The following KYAT1 variants were observed in gnomAD, a reference collection of about 807,000 sequenced individuals.
The protein encoded by KYAT1 is kynurenine--oxoglutarate transaminase 1.
KYAT1 carries 47 observed loss-of-function variants against 52.4 expected under a neutral mutation model. The ratio of observed to expected loss-of-function variants is 0.90; its 90% CI spans 0.71 to 1.14. The LOEUF (loss-of-function observed/expected upper bound fraction) is 1.14. Among genes scored for constraint, KYAT1 ranks in the 50% most tolerant of loss-of-function variants. KYAT1 has a pLI of 0.00. For synonymous variants in KYAT1, 212 were observed against 209.6 expected, an observed-to-expected ratio of 1.01 and a Z score of -0.10; for missense variants, 480 against 557.9, an observed-to-expected ratio of 0.86 and a Z score of 1.41.
intron 3 of KYAT1, chr9:128,842,192 CA>C: frequency 2.2e-5 from 5 of 231,706 alleles, no homozygotes; most frequent in East Asian, 1.3e-4. Flanking sequence ...GACCTTGTCT[CA>C]AAAAAGAAAA....
intron 11 of KYAT1, among the ~76,000 whole-genome samples, chr9:128,834,574 A>G (rs1400697736): frequency 1.3e-5 from 2 of 152,186 alleles, no homozygotes; most frequent in Non-Finnish European, 2.9e-5. Context: ...CTGTAATCCC[A>G]GCACTTTGGG....
At chr9:128,856,598 A>C (rs937590175) in intron 1 of KYAT1, among the ~76,000 whole-genome samples, 1 of 152,210 alleles carries the variant, frequency 6.6e-6, no homozygotes, top group African/African-American at 2.4e-5. Flanking sequence ...CTTTGCCCCA[A>C]CTTTGAGCTC....
intron 1 of KYAT1, among the ~76,000 whole-genome samples, chr9:128,846,075 C>T (rs747350688): frequency 1.3e-5 from 2 of 152,186 alleles, no homozygotes; most frequent in African/African-American, 4.8e-5. Flanking sequence ...GCTCCTGGCT[C>T]GCCCCTCCCC....
rs1288931517 is a variant in KYAT1 at position 128,839,006 on chromosome 9, C to A, written c.202-639G>T. 7.2e-5 allele frequency among the ~76,000 whole-genome samples: 11 copies of A among 151,764 alleles called. No homozygotes were observed. In the East Asian group the frequency reaches 2.1e-3, roughly 29 times the overall value. ...GAGACAGGGTCTCACTCATGTCACC[C>A]AGGCTGGAGTGCAGTGGCACAATCG... is the stretch of plus-strand genomic sequence containing the variant. On this transcript the variant is annotated intron_variant, in intron 3 of 12. Coordinates refer to ENST00000302586, the MANE Select transcript of KYAT1 (RefSeq NM_004059.5).
intron 1 of KYAT1, among the ~76,000 whole-genome samples, chr9:128,863,092 G>A (rs1021986931): frequency 1.1e-4 from 17 of 151,982 alleles, no homozygotes; most frequent in Admixed American, 1.1e-3. Context: ...CTCCCAAAGT[G>A]CTGAGATTAC....
At chr9:128,868,369 C>T (rs893127593) in intron 1 of KYAT1, among the ~76,000 whole-genome samples, 1 of 151,956 alleles carries the variant, frequency 6.6e-6, no homozygotes, top group Admixed American at 6.6e-5. Context: ...CATGCCCAGC[C>T]TGGCCCACTG....
At chr9:128,876,977 C>T (rs934580844) in intron 1 of KYAT1, among the ~76,000 whole-genome samples, 2 of 151,912 alleles carry the variant, frequency 1.3e-5, no homozygotes, top group Admixed American at 6.6e-5. Context: ...CGGCTCACTG[C>T]AACCTCTGCC....
At chr9:128,856,748 A>G (rs998044962) in intron 1 of KYAT1, among the ~76,000 whole-genome samples, 6 of 152,250 alleles carry the variant, frequency 3.9e-5, no homozygotes, top group African/African-American at 7.2e-5. Flanking sequence ...CAGGGGCACA[A>G]CGCACTGCGG....
rs1830807518 is a variant in KYAT1 at position 128,835,150 on chromosome 9, A to G, written c.1122+173T>C. The G allele has an allele frequency of 9.4e-6, 6 of 638,462 alleles. No homozygotes were observed. In the South Asian group the frequency reaches 1.1e-4, roughly 11 times the overall value. 39.5% of individuals were successfully genotyped at this position (638,462 alleles called of 1,614,324 possible). A position where few individuals can be genotyped will look rare whatever the true frequency, so the allele number is the denominator to read the frequency against. On this transcript the variant is annotated intron_variant, in intron 11 of 12. Transcript: ENST00000302586. ...ACTCCATCTCAACCAAAAAAAAAAA[A>G]GAAAGAAAAAAAGAAACAGCCTCCT...
chr9:128,871,828 T>C (rs1442740728), intron 1 of KYAT1, among the ~76,000 whole-genome samples: 1 of 152,092 alleles, frequency 6.6e-6, no homozygotes, highest in African/African-American at 2.4e-5. Flanking sequence ...AGTGTGGCAT[T>C]ATAAAAATGA....
At chr9:128,874,188 A>G (rs999809638) in intron 1 of KYAT1, among the ~76,000 whole-genome samples, 8 of 151,712 alleles carry the variant, frequency 5.3e-5, no homozygotes, top group African/African-American at 1.7e-4. Context: ...CCCAGGAGGC[A>G]GAGGTTGCAG....
chr9:128,838,260 G>A lies in KYAT1; in HGVS notation c.309C>T (p.Ala103=), dbSNP rs370339522. 47 of 1,614,166 alleles carry A rather than the reference G, an allele frequency of 2.9e-5. No individual in the cohort carries two copies. The East Asian group carries it at 4.9e-4, about 17-fold the overall frequency. ...NVLVTVGGYG[A]LFTAFQALVD... is the part of the protein sequence containing the mutation. The stretch of plus-strand genomic sequence containing the variant: ...CCAGGGCCTGGAAGGCTGTGAACAG[G>A]GCCCCATAGCCACCAACAGTCACCA... Residue 103 remains alanine, a synonymous_variant, in exon 4 of 13, where the codon GCC becomes GCT. Coordinates refer to ENST00000302586, the MANE Select transcript of KYAT1 (RefSeq NM_004059.5).
At chr9:128,874,560 C>T (rs1837692886) in intron 1 of KYAT1, among the ~76,000 whole-genome samples, 1 of 151,984 alleles carries the variant, frequency 6.6e-6, no homozygotes, top group African/African-American at 2.4e-5. Context: ...ATCATCCTGC[C>T]TTAGCCTCCC....
chr9:128,858,239 A>G (rs779756255), intron 1 of KYAT1, among the ~76,000 whole-genome samples: 19 of 147,082 alleles, frequency 1.3e-4, no homozygotes, highest in Non-Finnish European at 2.7e-4. Context: ...TCTACCAAAA[A>G]TACAAAAATT....
At chr9:128,863,735 G>A (rs1453395472) in intron 1 of KYAT1, among the ~76,000 whole-genome samples, 2 of 152,152 alleles carry the variant, frequency 1.3e-5, no homozygotes, top group Non-Finnish European at 2.9e-5. Context: ...TGTTATTCCC[G>A]AGTCGGCCAG....
chr9:128,879,813 C>T (rs1246383211), intron 1 of KYAT1, among the ~76,000 whole-genome samples: 2 of 152,220 alleles, frequency 1.3e-5, no homozygotes, highest in African/African-American at 4.8e-5. Flanking sequence ...CTTCCGCCCT[C>T]AAAGTACTCA....
chr9:128,864,407 T>C (rs1267424991), intron 1 of KYAT1, among the ~76,000 whole-genome samples: 1 of 151,806 alleles, frequency 6.6e-6, no homozygotes, highest in Non-Finnish European at 1.5e-5. Flanking sequence ...TAAAAAATTT[T>C]GGTAAAATAC....
intron 1 of KYAT1, among the ~76,000 whole-genome samples, chr9:128,857,583 T>C (rs527445628): frequency 1.3e-5 from 2 of 152,290 alleles, no homozygotes; most frequent in African/African-American, 4.8e-5. Context: ...ACGCCTGTAA[T>C]CCCAGCACTT....
rs67073521 is a variant in KYAT1, at chr9:128,858,395, T to TTA, written c.-6-12985_-6-12984insTA. Among the ~76,000 whole-genome samples the TTA allele has an allele frequency of 9.2e-5, 6 of 65,102 alleles. 1 individual carries two copies. Among genetic ancestry groups the TTA allele is most frequent in the Admixed American group, 4.8e-4 (2 of 4,172 alleles). 42.7% of individuals were successfully genotyped at this position (65,102 alleles called of 152,430 possible). On this transcript the variant is annotated intron_variant, in intron 1 of 12. Coordinates refer to ENST00000302586, the MANE Select transcript of KYAT1 (RefSeq NM_004059.5). ...CTGGGCAACAGAGTGAGACCATGTA[T>TTA]AAAAAAAAAAAAAAAAAAAAGCCCG...
Sources: gnomAD v4.1 joint callset for allele counts (sites outside exome capture counted in the v4.1 genomes callset) on GRCh38, gnomAD v4.1.1 for gene constraint, MANE v1.5 for transcripts, NCBI Gene and HGNC (gene_info 2026-07-23, HGNC 2026-07-21) for gene names.